The following MYH11 variants were observed in gnomAD, a reference collection of about 807,000 sequenced individuals.
MYH11 encodes myosin-11.
Under a neutral mutation model 246.6 loss-of-function variants are expected in MYH11, and 80 were observed. The ratio of observed to expected loss-of-function variants is 0.32; its 90% CI spans 0.27 to 0.39. The LOEUF (loss-of-function observed/expected upper bound fraction) is 0.39. Among genes scored for constraint, MYH11 ranks in the 10% least tolerant of loss-of-function variants. The pLI, the probability that MYH11 is intolerant of heterozygous loss-of-function variation, is 1.00. For missense variants in MYH11, 2,158 were observed against 2,546.8 expected, an observed-to-expected ratio of 0.85 and a Z score of 3.29; for synonymous variants, 1,071 against 1,015.5, an observed-to-expected ratio of 1.05 and a Z score of -1.04.
Position 15,727,004 on chromosome 16 carries a change from T to C in MYH11, c.3702A>G (p.Ala1234=). ...GGACCCGCAGCTCCCCGGCCAGGTC[T>C]GCGTTCTCTTTCTCCAGCGTCTGCT... ...KNKQTLEKEN[A]DLAGELRVLG... Residue 1234 remains alanine (A), a synonymous_variant, in exon 28 of 41, where the codon GCA becomes GCG. Transcript: ENST00000300036. The C allele has an allele frequency of 6.2e-7, 1 of 1,612,058 alleles. No homozygotes were observed.
rs751062983 is a variant in MYH11 at position 15,724,811 on chromosome 16, A to G, written c.3964-12T>C. ...TCTTGAAGCAGCTCCTGCAAAAGGG[A>G]TGCAAAGAGGTCCCAGGGACCTGCC... On this transcript the variant is annotated splice_polypyrimidine_tract_variant and intron_variant, in intron 29 of 40. Coordinates refer to ENST00000300036, the MANE Select transcript of MYH11 (RefSeq NM_002474.3). 6.2e-7 allele frequency: 1 copy of G among 1,613,756 alleles called. No individual in the cohort carries two copies. Among genetic ancestry groups the G allele is most frequent in the East Asian group, 2.2e-5 (1 of 44,862 alleles).
intron 33 of MYH11, 58 bp downstream of exon 33, chr16:15,720,781 G>T: frequency 6.5e-7 from 1 of 1,532,966 alleles, no homozygotes; most frequent in Non-Finnish European, 9.0e-7. Context: ...TGAGAGTGGT[G>T]ATAGGAATGA....
chr16:15,844,018 T>C (rs938124462), intron 1 of MYH11, among the ~76,000 whole-genome samples: 5 of 152,128 alleles, frequency 3.3e-5, no homozygotes, highest in Non-Finnish European at 7.3e-5. Flanking sequence ...AAGAGAGAGC[T>C]GACTAGACAT....
chr16:15,753,270 C>T, intron 15 of MYH11, 124 bp downstream of exon 15: 1 of 837,438 alleles, frequency 1.2e-6, no homozygotes, highest in Non-Finnish European at 2.0e-6. Flanking sequence ...CATGCCAATG[C>T]TCTTCCTTCC....
At chr16:15,792,812 CTTT>C (rs1483428979) in intron 4 of MYH11, 4 of 152,032 alleles carry the variant, frequency 2.6e-5, no homozygotes, top group Admixed American at 2.0e-4. Context: ...TCAGTGCCAA[CTTT>C]CTGCCTCCCA....
At chr16:15,731,449 G>A (rs923198250) in intron 27 of MYH11, among the ~76,000 whole-genome samples, 11 of 151,852 alleles carry the variant, frequency 7.2e-5, no homozygotes, top group African/African-American at 2.7e-4. Flanking sequence ...TGGTTGTGAA[G>A]ATTAATTGAC....
At chr16:15,710,913 G>A (rs1226562085) in intron 40 of MYH11, among the ~76,000 whole-genome samples, 1 of 152,090 alleles carries the variant, frequency 6.6e-6, no homozygotes, top group East Asian at 1.9e-4. Flanking sequence ...CCTGACCTCA[G>A]GTGATCAGCC....
In MYH11 at chr16:15,756,462, T is replaced by G; in HGVS notation, c.1628A>C (p.Lys543Thr). Residue 543 changes from lysine (K) to threonine (T), a missense_variant, in exon 14 of 41, where the codon AAA becomes ACA. Around this residue, in one of 11 missense-constraint regions of MYH11, gnomAD observed 317 missense variants for 507.7 expected, o/e 0.62. Coordinates refer to ENST00000300036, the MANE Select transcript of MYH11 (RefSeq NM_002474.3). ...CTCCACGAAAGACTTGTCCGTGGCT[T>G]TGGGGAACCAGCATTCCTCGTCCAG... ...ALLDEECWFP[K>T]ATDKSFVEKL... is the part of the protein sequence containing the mutation. 1 of 1,614,154 alleles carries G rather than the reference T, an allele frequency of 6.2e-7. No individual in the cohort carries two copies.
chr16:15,729,069 GTCCTCCCTCCAAGACA>G (rs2040883127), intron 27 of MYH11, among the ~76,000 whole-genome samples: 1 of 151,882 alleles, frequency 6.6e-6, no homozygotes, highest in Non-Finnish European at 1.5e-5. Context: ...CTGGATGCCC[GTCCTCCCTCCAAGACA>G]TGACTAAGAG....
intron 7 of MYH11, among the ~76,000 whole-genome samples, chr16:15,778,097 C>G (rs1397768062): frequency 6.6e-6 from 1 of 152,158 alleles, no homozygotes; most frequent in Non-Finnish European, 1.5e-5. Flanking sequence ...CTGCAAAGCT[C>G]CTGAGGCTGA....
intron 3 of MYH11, among the ~76,000 whole-genome samples, chr16:15,803,564 G>A (rs1299808147): frequency 6.6e-6 from 1 of 152,122 alleles, no homozygotes; most frequent in Non-Finnish European, 1.5e-5. Context: ...TTTTTTAAAA[G>A]AGGGTGAAGG....
intron 3 of MYH11, among the ~76,000 whole-genome samples, chr16:15,820,933 C>T (rs1214083350): frequency 6.6e-6 from 1 of 152,140 alleles, no homozygotes; most frequent in Non-Finnish European, 1.5e-5. Context: ...AATGCAGTGG[C>T]GTGATCTCGG....
intron 3 of MYH11, among the ~76,000 whole-genome samples, chr16:15,805,647 C>T (rs1383285705): frequency 4.6e-5 from 7 of 152,218 alleles, no homozygotes; most frequent in African/African-American, 1.7e-4. Context: ...GGCCATGGCT[C>T]ATGCCTGAAA....
At chr16:15,820,584 A>G (rs2043385059) in intron 3 of MYH11, among the ~76,000 whole-genome samples, 1 of 152,202 alleles carries the variant, frequency 6.6e-6, no homozygotes, top group Admixed American at 6.5e-5. Context: ...AGACTTAAAC[A>G]CTAAAGAAGT....
intron 2 of MYH11, among the ~76,000 whole-genome samples, chr16:15,830,141 A>T (rs1200469340): frequency 6.6e-6 from 1 of 151,324 alleles, no homozygotes; most frequent in Non-Finnish European, 1.5e-5. Context: ...TCTCAAAAAA[A>T]AAAAGACACA....
intron 1 of MYH11, among the ~76,000 whole-genome samples, chr16:15,852,334 C>CTTTTTT (rs4006745): frequency 7.7e-6 from 1 of 129,166 alleles, no homozygotes; most frequent in African/African-American, 2.9e-5. Context: ...TTTGCAATGC[C>CTTTTTT]TTTTTTTTTT....
At chr16:15,713,166 G>A (rs1472329217) in intron 40 of MYH11, 1 of 152,016 alleles carries the variant, frequency 6.6e-6, no homozygotes, top group Non-Finnish European at 1.5e-5. Context: ...AAGGATTTTT[G>A]GAGCTATGTG....
chr16:15,750,052 G>A lies in MYH11; in HGVS notation c.2058+86C>T. ...GAAAATGGGGTCCTCGGGGTAGGTG[G>A]GGGCAGAGGGCGCCCTGGGGACGCT... is the stretch of plus-strand genomic sequence containing the variant. On this transcript the variant is annotated intron_variant, in intron 16 of 40. Coordinates refer to ENST00000300036, the MANE Select transcript of MYH11 (RefSeq NM_002474.3). The surrounding 1 kb of genome is among the most constrained non-coding windows in gnomAD (Gnocchi z 4.3). 6.5e-7 allele frequency: 1 copy of A among 1,533,298 alleles called. No individual in the cohort carries two copies. Among genetic ancestry groups the A allele is most frequent in the East Asian group, 2.3e-5 (1 of 44,266 alleles). The allele number at this position is 1,533,298 out of a possible 1,614,324, so 95.0% of individuals were successfully genotyped here. A position where few individuals can be genotyped will look rare whatever the true frequency, so the allele number is the denominator to read the frequency against.
chr16:15,847,895 C>T (rs1165192623), intron 1 of MYH11, among the ~76,000 whole-genome samples: 1 of 152,166 alleles, frequency 6.6e-6, no homozygotes, highest in Admixed American at 6.5e-5. Flanking sequence ...AACCCTAATT[C>T]CCTGAAATAT....
Sources: gnomAD v4.1 joint callset for allele counts (sites outside exome capture counted in the v4.1 genomes callset) on GRCh38, gnomAD v4.1.1 for gene constraint, gnomAD v4.1.1 regional missense constraint, Gnocchi (gnomAD v3.1) non-coding constraint, MANE v1.5 for transcripts, NCBI Gene and HGNC (gene_info 2026-07-23, HGNC 2026-07-21) for gene names.